Variants in WWC1 observed in about 807,000 individuals in gnomAD.
The protein encoded by WWC1 is protein KIBRA.
WWC1 carries 55 observed loss-of-function variants against 138.4 expected under a neutral mutation model. The observed-to-expected ratio is 0.40, with a 90% CI of 0.32 to 0.50. The LOEUF (loss-of-function observed/expected upper bound fraction) is 0.50. Among genes scored for constraint, WWC1 ranks in the 20% least tolerant of loss-of-function variants. The probability of loss-of-function intolerance (pLI) is 0.72; values close to 1 mark genes in which losing one functional copy is unlikely to be tolerated. For missense variants in WWC1, 1,226 were observed against 1,420.4 expected, an observed-to-expected ratio of 0.86 and a Z score of 2.20; for synonymous variants, 524 against 564.9, an observed-to-expected ratio of 0.93 and a Z score of 1.03.
chr5:168,371,053 G>A (rs1302947723), intron 1 of WWC1, among the ~76,000 whole-genome samples: 1 of 152,218 alleles, frequency 6.6e-6, no homozygotes, highest in Non-Finnish European at 1.5e-5. Flanking sequence ...AGAAGCCAAG[G>A]AGGGCTGGAG....
chr5:168,345,494 TG>T (rs1418738068), intron 1 of WWC1, among the ~76,000 whole-genome samples: 1 of 152,230 alleles, frequency 6.6e-6, no homozygotes, highest in East Asian at 1.9e-4. Context: ...AGCCATTCCT[TG>T]GGTGTGATTG....
chr5:168,354,057 CT>C lies in WWC1; in HGVS notation c.120-17356del, dbSNP rs376967449. On this transcript the variant is annotated intron_variant, in intron 1 of 22. Coordinates refer to ENST00000265293, the MANE Select transcript of WWC1 (RefSeq NM_015238.3). The stretch of plus-strand genomic sequence containing the variant: ...ATGAGTGCTTTTTCTTTTTTTCTTT[CT>C]TTTTTTTTTTGAGATGGAATCTTGC... Among the ~76,000 whole-genome samples, 1,062 of 146,102 alleles carry C rather than the reference CT, an allele frequency of 7.3e-3. 17 individuals are homozygous for C. The highest frequency in any genetic ancestry group is 0.024 in the African/African-American group (950 of 40,146).
At position 168,292,250 on chromosome 5, in the gene WWC1, G is replaced by T; in HGVS notation, c.98G>T (p.Ser33Ile). ...YYIDHTNRTT[S>I]WIDPRDRYTK... Reference sequence around the variant, plus strand: ...ATAGACCACACGAACCGCACCACCAGCTGGATCGACCCGCGGGACAGGTAG... The same window carrying T: ...ATAGACCACACGAACCGCACCACCATCTGGATCGACCCGCGGGACAGGTAG... Residue 33 changes from serine to isoleucine, a missense_variant, in exon 1 of 23, where the codon AGC becomes ATC. Coordinates refer to ENST00000265293, the MANE Select transcript of WWC1 (RefSeq NM_015238.3). This position sits in a 1 kb window ranked among gnomAD's most constrained non-coding sequence, Gnocchi z 4.4. 2 of 1,599,688 alleles carry T rather than the reference G, an allele frequency of 1.3e-6. No homozygotes were observed. The highest frequency in any genetic ancestry group is 8.5e-7 in the Non-Finnish European group (1 of 1,173,764).
chr5:168,353,677 G>A lies in WWC1; in HGVS notation c.120-17747G>A, dbSNP rs115196374. ...CTGTGTGCCGTCAGGCCAATCAAGC[G>A]CTTCTTGAAGCCTTAGTGTCCTCCA... On this transcript the variant is annotated intron_variant, in intron 1 of 22. Transcript: ENST00000265293. Among the ~76,000 whole-genome samples the A allele has an allele frequency of 1.4e-3, 210 of 152,344 alleles. 1 individual carries two copies. The highest frequency in any genetic ancestry group is 4.9e-3 in the African/African-American group (202 of 41,582).
chr5:168,447,477 A>G (rs1285916382), intron 17 of WWC1, among the ~76,000 whole-genome samples: 1 of 152,228 alleles, frequency 6.6e-6, no homozygotes, highest in Non-Finnish European at 1.5e-5. Flanking sequence ...CTGAAACGTC[A>G]TTTATGGACA....
At chr5:168,408,923 C>T (rs149608918) in intron 7 of WWC1, among the ~76,000 whole-genome samples, 1 of 152,292 alleles carries the variant, frequency 6.6e-6, no homozygotes, top group Non-Finnish European at 1.5e-5. Flanking sequence ...TCTCTTAATG[C>T]TGCACAGAAA....
intron 5 of WWC1, 76 bp from the exon 6 acceptor site, chr5:168,406,122 G>T: frequency 1.3e-6 from 2 of 1,561,244 alleles, no homozygotes; most frequent in Non-Finnish European, 1.7e-6. Flanking sequence ...AAGTCCTGTG[G>T]TCTGTGCTTT....
At chr5:168,403,015 T>C (rs1217669424) in intron 5 of WWC1, among the ~76,000 whole-genome samples, 2 of 73,586 alleles carry the variant, frequency 2.7e-5, no homozygotes, top group African/African-American at 5.8e-5. Context: ...TTTTTCTTTC[T>C]TTCTTTCTTT....
rs549164441 is a variant in WWC1, at chr5:168,346,752, G to A, written c.120-24672G>A. ...GTGAGTGAGATTGTTCTGTAAGTTGGTGGTGGCTTAGAAATGATTGACAGA... is the reference window on the plus strand; with the variant it reads ...GTGAGTGAGATTGTTCTGTAAGTTGATGGTGGCTTAGAAATGATTGACAGA... On this transcript the variant is annotated intron_variant, in intron 1 of 22. Coordinates refer to ENST00000265293, the MANE Select transcript of WWC1 (RefSeq NM_015238.3). Among the ~76,000 whole-genome samples the A allele has an allele frequency of 2.0e-5, 3 of 152,286 alleles. No homozygotes were observed. The South Asian group carries it at 6.2e-4, about 32-fold the overall frequency.
chr5:168,398,252 C>T (rs1463517969), intron 4 of WWC1, among the ~76,000 whole-genome samples: 2 of 152,012 alleles, frequency 1.3e-5, no homozygotes, highest in African/African-American at 4.8e-5. Flanking sequence ...TATAGGCGCC[C>T]GCCACCACAC....
intron 15 of WWC1, among the ~76,000 whole-genome samples, chr5:168,440,812 C>G (rs977550785): frequency 6.6e-6 from 1 of 152,130 alleles, no homozygotes; most frequent in Non-Finnish European, 1.5e-5. Context: ...CCACCGCGCC[C>G]GGCCTGAAAG....
intron 20 of WWC1, among the ~76,000 whole-genome samples, chr5:168,463,069 A>G (rs1756961558): frequency 6.6e-6 from 1 of 152,200 alleles, no homozygotes; most frequent in African/African-American, 2.4e-5. Flanking sequence ...TGCTTCTTAT[A>G]CTGTGTCTGA....
intron 2 of WWC1, among the ~76,000 whole-genome samples, chr5:168,375,238 C>G (rs1013285341): frequency 1.3e-5 from 2 of 151,930 alleles, no homozygotes; most frequent in African/African-American, 4.8e-5. Context: ...TCATGGGTCT[C>G]CAGACAACAG....
chr5:168,398,884 A>G (rs764476701), intron 4 of WWC1, among the ~76,000 whole-genome samples: 1 of 152,214 alleles, frequency 6.6e-6, no homozygotes, highest in Non-Finnish European at 1.5e-5. Context: ...ATGTTTTCAT[A>G]AAGGAACTGT....
At chr5:168,343,949 A>G (rs542949054) in intron 1 of WWC1, among the ~76,000 whole-genome samples, 2 of 152,096 alleles carry the variant, frequency 1.3e-5, no homozygotes, top group South Asian at 2.1e-4. Flanking sequence ...GACATTTCTT[A>G]ATAATTCACG....
intron 1 of WWC1, among the ~76,000 whole-genome samples, chr5:168,329,548 A>C (rs956628131): frequency 2.5e-4 from 38 of 152,160 alleles, no homozygotes; most frequent in Non-Finnish European, 1.2e-4. Context: ...AAAAGTTGAA[A>C]CTTAATCTGC....
chr5:168,428,884 G>C (rs1439756579), intron 13 of WWC1, 97 bp downstream of exon 13: 2 of 1,344,186 alleles, frequency 1.5e-6, no homozygotes, highest in Non-Finnish European at 2.1e-6. Context: ...CAGCCGCCCA[G>C]GGTGGAAGGC....
At chr5:168,386,377 C>CTTTTTTTTTTTTT (rs59691686) in intron 3 of WWC1, among the ~76,000 whole-genome samples, 1 of 143,936 alleles carries the variant, frequency 6.9e-6, no homozygotes, top group Non-Finnish European at 1.5e-5. Flanking sequence ...TCCCCTTGTT[C>CTTTTTTTTTTTTT]TTTTTTTTTT....
intron 1 of WWC1, among the ~76,000 whole-genome samples, chr5:168,336,937 T>G (rs1430185809): frequency 6.6e-6 from 1 of 152,194 alleles, no homozygotes; most frequent in East Asian, 1.9e-4. Flanking sequence ...TTAAGCTAGA[T>G]GGTGTATGTG....
Sources: gnomAD v4.1 joint callset for allele counts (sites outside exome capture counted in the v4.1 genomes callset) on GRCh38, gnomAD v4.1.1 for gene constraint, Gnocchi (gnomAD v3.1) non-coding constraint, MANE v1.5 for transcripts, NCBI Gene and HGNC (gene_info 2026-07-23, HGNC 2026-07-21) for gene names.